Variants in LGR6 observed in about 807,000 individuals in gnomAD.
LGR6 encodes the protein leucine-rich repeat-containing G protein-coupled receptor 6.
Under a neutral mutation model 69.4 loss-of-function variants are expected in LGR6, and 45 were observed. The observed-to-expected ratio is 0.65, with a 90% confidence interval of 0.51 to 0.83. The LOEUF is 0.83. LGR6 is among the 40% of genes least tolerant of loss of function. The pLI is 0.00. For synonymous variants in LGR6, 538 were observed against 555.0 expected, an observed-to-expected ratio of 0.97 and a Z score of 0.43; for missense variants, 1,108 against 1,246.7, an observed-to-expected ratio of 0.89 and a Z score of 1.68.
chr1:202,226,790 G>T (rs572002117), intron 2 of LGR6, among the ~76,000 whole-genome samples: 1 of 152,336 alleles, frequency 6.6e-6, no homozygotes, highest in Admixed American at 6.5e-5. Context: ...GTCAGGGTTG[G>T]CCTGGCCAGT....
Position 202,318,117 on chromosome 1 carries a change from C to T in LGR6, c.1814C>T (p.Ala605Val). 1 of 1,614,186 alleles carries T rather than the reference C, an allele frequency of 6.2e-7. No individual in the cohort carries two copies. Among genetic ancestry groups the T allele is most frequent in the Non-Finnish European group, 8.5e-7 (1 of 1,180,024 alleles). Residue 605 changes from alanine (A) to valine (V), a missense_variant, in exon 18 of 18, where the codon GCA becomes GTA. Transcript: ENST00000367278. ...GTCAAGTTTGTGGTAGGTGCGATTG[C>T]AGGCGCCAACACCTTGACTGGCATT... ...PPVKFVVGAI[A>V]GANTLTGISC... is the part of the protein sequence containing the mutation.
intron 10 of LGR6, among the ~76,000 whole-genome samples, chr1:202,303,967 T>G (rs945069870): frequency 3.9e-5 from 6 of 152,168 alleles, no homozygotes; most frequent in African/African-American, 1.4e-4. Flanking sequence ...GAAGTAGTTA[T>G]TCCCCAAAGA....
At chr1:202,264,478 G>A (rs545834823) in intron 4 of LGR6, among the ~76,000 whole-genome samples, 3 of 152,342 alleles carry the variant, frequency 2.0e-5, no homozygotes, top group South Asian at 4.1e-4. Context: ...AGGGCAGGCA[G>A]CCAGGCCTCA....
At chr1:202,251,859 A>G (rs1196995771) in intron 4 of LGR6, among the ~76,000 whole-genome samples, 3 of 144,246 alleles carry the variant, frequency 2.1e-5, no homozygotes, top group Admixed American at 1.5e-4. Context: ...GGAGATGGGA[A>G]AGTGGAGAGG....
chr1:202,307,572 T>TA (rs1653345725), intron 14 of LGR6, among the ~76,000 whole-genome samples, 171 bp downstream of exon 14: 1 of 152,206 alleles, frequency 6.6e-6, no homozygotes, highest in South Asian at 2.1e-4. Flanking sequence ...TGGGGCCTGA[T>TA]AAACAGAGAT....
intron 4 of LGR6, among the ~76,000 whole-genome samples, chr1:202,256,238 A>C: frequency 6.6e-6 from 1 of 151,930 alleles, no homozygotes; most frequent in South Asian, 2.1e-4. Flanking sequence ...TTCCTTTTTT[A>C]TTTTTTTTAA....
intron 5 of LGR6, among the ~76,000 whole-genome samples, chr1:202,277,082 C>A (rs1665620022): frequency 6.6e-6 from 1 of 152,170 alleles, no homozygotes; most frequent in Non-Finnish European, 1.5e-5. Context: ...CTTTAGAGGG[C>A]AAATTAGCTC....
At chr1:202,222,271 C>T (rs1660210262) in intron 1 of LGR6, among the ~76,000 whole-genome samples, 1 of 152,202 alleles carries the variant, frequency 6.6e-6, no homozygotes, top group East Asian at 1.9e-4. Flanking sequence ...CCTCCTTGCC[C>T]CACCCCACCC....
At chr1:202,303,024 G>A (rs557204057) in intron 9 of LGR6, among the ~76,000 whole-genome samples, 32 of 152,256 alleles carry the variant, frequency 2.1e-4, no homozygotes, top group South Asian at 1.5e-3. Context: ...AAGCTGAAGC[G>A]TGAATGCTGA....
At chr1:202,220,517 C>G (rs1052003739) in intron 1 of LGR6, among the ~76,000 whole-genome samples, 8 of 152,204 alleles carry the variant, frequency 5.3e-5, no homozygotes, top group African/African-American at 1.9e-4. Flanking sequence ...CCACGCCCGG[C>G]CCACACTACA....
At chr1:202,226,238 T>C (rs1660540115) in intron 2 of LGR6, among the ~76,000 whole-genome samples, 1 of 152,164 alleles carries the variant, frequency 6.6e-6, no homozygotes, top group Non-Finnish European at 1.5e-5. Context: ...AATCCTTGCT[T>C]TCATCCTAGC....
rs151271598 is a variant in LGR6 at position 202,263,504 on chromosome 1, C to T, written c.429-12802C>T. On this transcript the variant is annotated intron_variant, in intron 4 of 17. Coordinates refer to ENST00000367278, the MANE Select transcript of LGR6 (RefSeq NM_001017403.2). The stretch of plus-strand genomic sequence containing the variant: ...AGTGAGAAGGTAGCTAAGTTTTCCT[C>T]CATTTTAACTGGAAACAACTTGAGT... Among the ~76,000 whole-genome samples, 856 of 152,212 alleles carry T rather than the reference C, an allele frequency of 5.6e-3. 12 individuals are homozygous for T. The highest frequency in any genetic ancestry group is 0.02 in the African/African-American group (813 of 41,506).
chr1:202,218,650 C>A (rs1659943661), intron 1 of LGR6, among the ~76,000 whole-genome samples: 1 of 152,114 alleles, frequency 6.6e-6, no homozygotes. Flanking sequence ...GCCAACGGAG[C>A]CCCCACAAGT....
At chr1:202,311,084 G>A (rs574282886) in intron 16 of LGR6, among the ~76,000 whole-genome samples, 1 of 152,040 alleles carries the variant, frequency 6.6e-6, no homozygotes, top group East Asian at 1.9e-4. Flanking sequence ...AGATAAAAGG[G>A]CTTCCCTCTC....
chr1:202,199,800 C>G (rs1487789086), intron 1 of LGR6, among the ~76,000 whole-genome samples: 1 of 152,206 alleles, frequency 6.6e-6, no homozygotes, highest in Non-Finnish European at 1.5e-5. Context: ...GCTCCAGTCT[C>G]TCAGTCTTTA....
At chr1:202,306,469 C>T (rs1653200298) in intron 12 of LGR6, among the ~76,000 whole-genome samples, 1 of 152,174 alleles carries the variant, frequency 6.6e-6, no homozygotes, top group African/African-American at 2.4e-5. Flanking sequence ...GTCCATCTCC[C>T]ATTCAACCAG....
intron 1 of LGR6, among the ~76,000 whole-genome samples, chr1:202,204,459 A>ACC (rs749421644): frequency 0.16 from 7,852 of 50,322 alleles, 986 homozygotes; most frequent in African/African-American, 0.17. Flanking sequence ...ACACACACAC[A>ACC]CCTCCACACA....
chr1:202,308,974 G>T (rs1572015136), intron 14 of LGR6, 77 bp from the exon 15 acceptor site: 1 of 1,555,906 alleles, frequency 6.4e-7, no homozygotes. Context: ...CAGGCACACT[G>T]GCCACATTCT....
chr1:202,308,605 C>T (rs776309420), intron 14 of LGR6, among the ~76,000 whole-genome samples: 4 of 152,204 alleles, frequency 2.6e-5, no homozygotes, highest in Admixed American at 1.3e-4. Context: ...CAGTCCCAGA[C>T]TCAGCCCTCT....
Sources: allele counts gnomAD v4.1 joint callset (sites outside exome capture counted in the v4.1 genomes callset), GRCh38; gene constraint gnomAD v4.1.1; transcripts MANE v1.5; gene names NCBI Gene and HGNC (gene_info 2026-07-23, HGNC 2026-07-21).